Variants in CSMD1 observed in about 807,000 individuals in gnomAD.
The protein encoded by CSMD1 is CUB and sushi domain-containing protein 1.
CSMD1 carries 213 observed loss-of-function variants against 417.5 expected under a neutral mutation model. The ratio of observed to expected loss-of-function variants is 0.51; its 90% CI spans 0.46 to 0.57. The LOEUF (loss-of-function observed/expected upper bound fraction) is 0.57. Among genes scored for constraint, CSMD1 ranks in the 20% least tolerant of loss-of-function variants. The pLI is 0.00. For missense variants in CSMD1, 6,923 were observed against 4,529.7 expected (o/e 1.53, Z -15.17); for synonymous variants, 2,862 against 1,736.8 (o/e 1.65, Z -16.11).
chr8:3,068,855 C>A lies in CSMD1; in HGVS notation c.7475-16208G>T, dbSNP rs185371839. On this transcript the variant is annotated intron_variant, in intron 49 of 69. Coordinates refer to ENST00000635120, the MANE Select transcript of CSMD1 (RefSeq NM_033225.6). ...CAGCATTGGGGATTACAATTCAACA[C>A]GAGATTTGGGCAGGGACAAATATCC... Among the ~76,000 whole-genome samples the A allele has an allele frequency of 1.9e-4, 29 of 152,214 alleles. 1 individual carries two copies. In the South Asian group the frequency reaches 5.6e-3, roughly 29 times the overall value.
chr8:4,790,405 C>A (rs539454284), intron 1 of CSMD1, among the ~76,000 whole-genome samples: 1 of 152,192 alleles, frequency 6.6e-6, no homozygotes, highest in Admixed American at 6.5e-5. Flanking sequence ...GCCATACTTC[C>A]CAGAGCAATT....
chr8:3,683,300 G>A (rs2129029646), intron 7 of CSMD1, among the ~76,000 whole-genome samples: 1 of 152,178 alleles, frequency 6.6e-6, no homozygotes, highest in Admixed American at 6.5e-5. Flanking sequence ...GAATATGGAT[G>A]GATCAGTCAA....
chr8:3,740,893 C>A (rs1383064013), intron 6 of CSMD1, among the ~76,000 whole-genome samples: 6 of 151,796 alleles, frequency 4.0e-5, no homozygotes, highest in African/African-American at 1.2e-4. Context: ...GCTTCTGTGC[C>A]CAGGGGTGGG....
chr8:3,978,301 A>C (rs968701484), intron 5 of CSMD1, among the ~76,000 whole-genome samples: 1 of 152,120 alleles, frequency 6.6e-6, no homozygotes, highest in Non-Finnish European at 1.5e-5. Context: ...CACAAACCCC[A>C]CAAAAACAAC....
chr8:3,331,314 C>G (rs1299312356), intron 23 of CSMD1, among the ~76,000 whole-genome samples: 1 of 152,018 alleles, frequency 6.6e-6, no homozygotes, highest in Non-Finnish European at 1.5e-5. Context: ...ACGTTGATAT[C>G]TGTGGTAAAG....
chr8:3,331,816 ATTTC>A (rs1318722517), intron 23 of CSMD1, among the ~76,000 whole-genome samples: 1 of 152,130 alleles, frequency 6.6e-6, no homozygotes, highest in Non-Finnish European at 1.5e-5. Context: ...AGTTACTCCT[ATTTC>A]TTTATGTGTA....
At chr8:3,743,601 G>A (rs1796923038) in intron 6 of CSMD1, among the ~76,000 whole-genome samples, 1 of 152,078 alleles carries the variant, frequency 6.6e-6, no homozygotes, top group African/African-American at 2.4e-5. Context: ...AAGTCAAGCT[G>A]GGAACTAGGT....
chr8:3,048,384 G>A (rs1400137656), intron 50 of CSMD1, among the ~76,000 whole-genome samples: 2 of 152,120 alleles, frequency 1.3e-5, no homozygotes, highest in South Asian at 4.1e-4. Flanking sequence ...CAAAAAAGTA[G>A]ACAAATGTGT....
chr8:3,256,229 AG>A (rs1661175804), intron 26 of CSMD1, among the ~76,000 whole-genome samples: 1 of 149,194 alleles, frequency 6.7e-6, no homozygotes, highest in South Asian at 2.2e-4. Context: ...CAGGGGGCTG[AG>A]GCAGGAGAAT....
chr8:3,262,315 C>T (rs1204908349), intron 26 of CSMD1, among the ~76,000 whole-genome samples: 1 of 145,860 alleles, frequency 6.9e-6, no homozygotes. Flanking sequence ...CTGAATGTAC[C>T]TTTGTGATAG....
intron 3 of CSMD1, among the ~76,000 whole-genome samples, chr8:4,099,955 C>G (rs1252114868): frequency 6.6e-6 from 1 of 152,248 alleles, no homozygotes; most frequent in South Asian, 2.1e-4. Context: ...TAAAAATACT[C>G]ATTTATTTTA....
intron 7 of CSMD1, among the ~76,000 whole-genome samples, chr8:3,655,453 C>A (rs531582616): frequency 6.6e-5 from 10 of 152,154 alleles, no homozygotes; most frequent in Non-Finnish European, 1.3e-4. Flanking sequence ...CATTACTCTA[C>A]ATAATTATAA....
At chr8:4,497,640 G>C (rs930798581) in intron 2 of CSMD1, among the ~76,000 whole-genome samples, 1 of 152,122 alleles carries the variant, frequency 6.6e-6, no homozygotes, top group Admixed American at 6.6e-5. Flanking sequence ...GTAAGAATGG[G>C]AACTCGTGCC....
Position 4,743,525 on chromosome 8 carries a change from T to C in CSMD1, c.86-105967A>G, listed in dbSNP as rs183235360. Among the ~76,000 whole-genome samples the C allele has an allele frequency of 1.0e-3, 158 of 152,308 alleles. No homozygotes were observed. In the Middle Eastern group the frequency reaches 0.02, roughly 20 times the overall value. On this transcript the variant is annotated intron_variant, in intron 1 of 69. Transcript: ENST00000635120. Reference sequence around the variant, plus strand: ...TGAACCTCCTGCTTTGAGTTCATGATGTTCTTTCCAAGCCAGAGTCAACCG... The same window carrying C: ...TGAACCTCCTGCTTTGAGTTCATGACGTTCTTTCCAAGCCAGAGTCAACCG...
chr8:3,996,444 A>ATTT (rs34769872), intron 5 of CSMD1, among the ~76,000 whole-genome samples: 3 of 150,666 alleles, frequency 2.0e-5, no homozygotes, highest in African/African-American at 4.9e-5. Context: ...CATTTTTAAG[A>ATTT]TTTTTTTTTT....
At chr8:3,526,230 A>C (rs1199381104) in intron 10 of CSMD1, among the ~76,000 whole-genome samples, 6 of 152,168 alleles carry the variant, frequency 3.9e-5, no homozygotes, top group Admixed American at 2.6e-4. Context: ...TTCCTTCCTG[A>C]ACCTTCTATA....
At chr8:2,990,888 A>G (rs1489462314) in intron 54 of CSMD1, among the ~76,000 whole-genome samples, 2 of 152,244 alleles carry the variant, frequency 1.3e-5, no homozygotes, top group Non-Finnish European at 2.9e-5. Flanking sequence ...CTTATTGGTC[A>G]GAGGCATCAT....
intron 26 of CSMD1, among the ~76,000 whole-genome samples, chr8:3,272,344 T>C (rs1378873487): frequency 6.8e-6 from 1 of 147,954 alleles, no homozygotes; most frequent in Non-Finnish European, 1.5e-5. Context: ...CCTTGTAGCA[T>C]AGTTTGAAGT....
chr8:3,469,790 C>G (rs111344971), intron 11 of CSMD1, among the ~76,000 whole-genome samples: 2,765 of 152,200 alleles, frequency 0.018, 99 homozygotes, highest in African/African-American at 0.062. Flanking sequence ...GAACAACTGT[C>G]ATTATATGTG....
Sources: gnomAD v4.1 joint callset for allele counts (sites outside exome capture counted in the v4.1 genomes callset) on GRCh38, gnomAD v4.1.1 for gene constraint, MANE v1.5 for transcripts, NCBI Gene and HGNC (gene_info 2026-07-23, HGNC 2026-07-21) for gene names.